The following TRIM33 variants were observed in gnomAD, a reference collection of about 807,000 sequenced individuals.
The protein encoded by TRIM33 is tripartite motif containing 33, also known as E3 ubiquitin-protein ligase TRIM33.
Under a neutral mutation model 125.4 loss-of-function variants are expected in TRIM33, and 20 were observed. That is an observed-to-expected ratio of 0.16 (90% CI 0.11 to 0.23). TRIM33 has a LOEUF of 0.23. TRIM33 is among the 10% of genes least tolerant of loss of function. TRIM33 has a pLI of 1.00. For synonymous variants in TRIM33, 564 were observed against 513.9 expected, an observed-to-expected ratio of 1.10 and a Z score of -1.32; for missense variants, 920 against 1,411.4, an observed-to-expected ratio of 0.65 and a Z score of 5.58.
chr1:114,428,538 C>CT (rs944843300), intron 6 of TRIM33, among the ~76,000 whole-genome samples: 11 of 152,156 alleles, frequency 7.2e-5, no homozygotes, highest in African/African-American at 2.7e-4. Flanking sequence ...GTCCTACATA[C>CT]TTTTGACATT....
At position 114,398,010 on chromosome 1, in the gene TRIM33, C is replaced by CA. The variant is rs5777192; in HGVS notation, c.3121-21dup. The CA allele has an allele frequency of 1.1e-3, 1,519 of 1,331,170 alleles. No individual in the cohort carries two copies. Among genetic ancestry groups the CA allele is most frequent in the Non-Finnish European group, 1.3e-3 (1,274 of 972,782 alleles). The allele number at this position is 1,331,170 out of a possible 1,614,324, so 82.5% of individuals were successfully genotyped here. ...CATCATCTAAAAAGGATACCAGAGT[C>CA]AAAAAAAAAAAAGGGAAATTATAAT... On this transcript the variant is annotated intron_variant, in intron 18 of 19. Coordinates refer to ENST00000358465, the MANE Select transcript of TRIM33 (RefSeq NM_015906.4).
intron 1 of TRIM33, among the ~76,000 whole-genome samples, chr1:114,465,826 G>C (rs1650258240): frequency 6.6e-6 from 1 of 151,986 alleles, no homozygotes; most frequent in African/African-American, 2.4e-5. Context: ...CGGATCACGA[G>C]GTCAGGAGAT....
At chr1:114,413,933 A>C (rs1383079834) in intron 11 of TRIM33, among the ~76,000 whole-genome samples, 1 of 151,984 alleles carries the variant, frequency 6.6e-6, no homozygotes, top group Non-Finnish European at 1.5e-5. Flanking sequence ...ATACTGGGAC[A>C]GAAGGATCCC....
intron 13 of TRIM33, 118 bp from the exon 14 acceptor site, chr1:114,407,218 A>G: frequency 1.2e-6 from 1 of 826,718 alleles, no homozygotes; most frequent in Non-Finnish European, 1.8e-6. Flanking sequence ...ACTTTACAGA[A>G]GATAAGGATA....
rs1443101404 is a variant in TRIM33, at chr1:114,393,050, C to T, written c.*4598G>A. On this transcript the variant is annotated 3_prime_UTR_variant, in exon 20 of 20. Transcript: ENST00000358465. ...ATATGATTATTTAGAGAATACGATACCACAGAAACAGCACTTTTTAAGAAT... is the reference window on the plus strand; with the variant it reads ...ATATGATTATTTAGAGAATACGATATCACAGAAACAGCACTTTTTAAGAAT... 2 of 200,452 alleles carry T rather than the reference C, an allele frequency of 1.0e-5. No individual in the cohort carries two copies. Among genetic ancestry groups the T allele is most frequent in the South Asian group, 1.9e-4 (1 of 5,252 alleles). The allele number at this position is 200,452 out of a possible 1,614,324, so 12.4% of individuals were successfully genotyped here. A position where few individuals can be genotyped will look rare whatever the true frequency, so the allele number is the denominator to read the frequency against.
chr1:114,404,759 A>C (rs1233649998), intron 15 of TRIM33: 2 of 151,990 alleles, frequency 1.3e-5, no homozygotes, highest in African/African-American at 2.4e-5. Flanking sequence ...CAAAGAGGGC[A>C]CTATTATTCA....
In TRIM33 at chr1:114,397,605, T is replaced by TG; in HGVS notation, c.*42_*43insC. On this transcript the variant is annotated 3_prime_UTR_variant, in exon 20 of 20. Coordinates refer to ENST00000358465, the MANE Select transcript of TRIM33 (RefSeq NM_015906.4). ...GTTTTTTGTGTTTTTTTTTTTTTTTTCGTTTTTTTTTTTTTAAACAATTGA... is the reference window on the plus strand; with the variant it reads ...GTTTTTTGTGTTTTTTTTTTTTTTTTGCGTTTTTTTTTTTTTAAACAATTGA... The TG allele has an allele frequency of 7.2e-6, 8 of 1,114,624 alleles. No individual in the cohort carries two copies. The highest frequency in any genetic ancestry group is 8.9e-6 in the Non-Finnish European group (7 of 782,170). The allele number at this position is 1,114,624 out of a possible 1,614,324, so 69.0% of individuals were successfully genotyped here.
At chr1:114,448,053 AT>A (rs1343291280) in intron 4 of TRIM33, among the ~76,000 whole-genome samples, 1 of 152,214 alleles carries the variant, frequency 6.6e-6, no homozygotes, top group East Asian at 1.9e-4. Flanking sequence ...TTCGTGTTTC[AT>A]TTTTAAAAAT....
At chr1:114,433,430 G>T (rs1648091902) in intron 5 of TRIM33, among the ~76,000 whole-genome samples, 187 bp downstream of exon 5, 1 of 152,132 alleles carries the variant, frequency 6.6e-6, no homozygotes, top group East Asian at 1.9e-4. Flanking sequence ...TGTCCTAAAA[G>T]GGTATACAAG....
intron 1 of TRIM33, among the ~76,000 whole-genome samples, chr1:114,479,922 C>T (rs573372841): frequency 2.7e-5 from 4 of 149,868 alleles, no homozygotes; most frequent in African/African-American, 7.4e-5. Context: ...TCTGCCCGGC[C>T]GCCCCTGCTG....
At chr1:114,499,451 TG>T (rs1652578863) in intron 1 of TRIM33, among the ~76,000 whole-genome samples, 1 of 151,566 alleles carries the variant, frequency 6.6e-6, no homozygotes, top group Non-Finnish European at 1.5e-5. Flanking sequence ...TGTCACTGTC[TG>T]GGTTCGGGGT....
At chr1:114,432,702 C>T (rs1051085489) in intron 5 of TRIM33, among the ~76,000 whole-genome samples, 2 of 152,086 alleles carry the variant, frequency 1.3e-5, no homozygotes, top group African/African-American at 2.4e-5. Context: ...AGGAGAATGG[C>T]GTGAACCCAG....
chr1:114,448,525 G>A (rs1039356423), intron 4 of TRIM33, among the ~76,000 whole-genome samples: 5 of 152,184 alleles, frequency 3.3e-5, no homozygotes, highest in African/African-American at 4.8e-5. Flanking sequence ...TTTCTCCTGT[G>A]ATATTCAGCT....
chr1:114,435,535 GACTATGAAATTGTTAAC>G (rs1648222359), intron 4 of TRIM33, among the ~76,000 whole-genome samples: 2 of 152,292 alleles, frequency 1.3e-5, no homozygotes, highest in Admixed American at 1.3e-4. Flanking sequence ...CAAGAGGAAA[GACTATGAAATTGTTAAC>G]ATAAAGGAAA....
intron 4 of TRIM33, chr1:114,460,066 C>A: frequency 1.2e-5 from 2 of 164,016 alleles, no homozygotes; most frequent in South Asian, 3.1e-4. Context: ...GTACAACGTT[C>A]ATTCCATGCC....
chr1:114,439,912 G>A (rs1280347939), intron 4 of TRIM33, among the ~76,000 whole-genome samples: 2 of 152,124 alleles, frequency 1.3e-5, no homozygotes, highest in Non-Finnish European at 2.9e-5. Context: ...TTTCAGCCTT[G>A]AATTATTTAT....
chr1:114,452,897 CCT>C (rs1486021917), intron 4 of TRIM33, among the ~76,000 whole-genome samples: 1 of 150,738 alleles, frequency 6.6e-6, no homozygotes, highest in Non-Finnish European at 1.5e-5. Flanking sequence ...AGCAAGACAC[CCT>C]GTCTCCTAAA....
chr1:114,430,709 A>C, intron 6 of TRIM33, 89 bp downstream of exon 6: 1 of 772,566 alleles, frequency 1.3e-6, no homozygotes, highest in Non-Finnish European at 2.3e-6. Flanking sequence ...CATACCCCCC[A>C]ATCCATCTAA....
intron 11 of TRIM33, 88 bp from the exon 12 acceptor site, chr1:114,410,404 A>C: frequency 7.5e-7 from 1 of 1,333,918 alleles, no homozygotes; most frequent in Non-Finnish European, 1.0e-6. Context: ...TCAGTTTATT[A>C]ATAAACTAAC....
Sources: gnomAD v4.1 joint callset for allele counts (sites outside exome capture counted in the v4.1 genomes callset) on GRCh38, gnomAD v4.1.1 for gene constraint, MANE v1.5 for transcripts, NCBI Gene and HGNC (gene_info 2026-07-23, HGNC 2026-07-21) for gene names.